The following SLC12A6 variants were observed in gnomAD, a reference collection of about 807,000 sequenced individuals.
The protein encoded by SLC12A6 is K-Cl cotransporter 3.
In SLC12A6, 66 loss-of-function variants were observed where a neutral mutation model predicts 135.3. The ratio of observed to expected loss-of-function variants is 0.49; its 90% confidence interval spans 0.40 to 0.60. SLC12A6 has a LOEUF of 0.60. Ranked by LOEUF, SLC12A6 falls within the 20% of genes least tolerant of loss-of-function variation. SLC12A6 has a pLI of 0.00. For synonymous variants in SLC12A6, 513 were observed against 508.8 expected, an observed-to-expected ratio of 1.01 and a Z score of -0.11; for missense variants, 1,058 against 1,452.3, an observed-to-expected ratio of 0.73 and a Z score of 4.41.
intron 2 of SLC12A6, among the ~76,000 whole-genome samples, chr15:34,330,162 C>G (rs1434218224): frequency 6.6e-6 from 1 of 152,184 alleles, no homozygotes; most frequent in Admixed American, 6.5e-5. Flanking sequence ...AGTTCACACA[C>G]TGCATTTGGC....
upstream of SLC12A6, chr15:34,337,808 T>C (rs551373279): frequency 5.3e-5 from 8 of 152,074 alleles, no homozygotes; most frequent in African/African-American, 1.9e-4. Flanking sequence ...GCGCGCAGGG[T>C]TCGCGCTGCC....
At chr15:34,323,804 T>G (rs1274533823) in intron 2 of SLC12A6, among the ~76,000 whole-genome samples, 1 of 152,016 alleles carries the variant, frequency 6.6e-6, no homozygotes, top group Admixed American at 6.6e-5. Flanking sequence ...TCAGAAAAAT[T>G]TAGCCAGGTT....
Position 34,236,104 on chromosome 15 carries a change from G to A in SLC12A6, c.3138C>T (p.His1046=). The A allele has an allele frequency of 1.2e-6, 2 of 1,613,438 alleles. No individual in the cohort carries two copies. Among genetic ancestry groups the A allele is most frequent in the South Asian group, 2.2e-5 (2 of 91,064 alleles). ...EETETYQEKV[H]MTWTKDKYMA... is the part of the protein sequence containing the mutation. ...TGTACTTGTCTTTTGTCCAAGTCATGTGCACCTTCTCCTGATAGGTTTCTG... is the reference window on the plus strand; with the variant it reads ...TGTACTTGTCTTTTGTCCAAGTCATATGCACCTTCTCCTGATAGGTTTCTG... Residue 1046 remains histidine (H), a synonymous_variant, in exon 24 of 26, where the codon CAC becomes CAT. Transcript: ENST00000354181.
chr15:34,317,881 A>T (rs993315954), intron 2 of SLC12A6, among the ~76,000 whole-genome samples: 3 of 152,228 alleles, frequency 2.0e-5, no homozygotes, highest in African/African-American at 7.2e-5. Flanking sequence ...TAAAAATTCA[A>T]AACCACAATT....
At chr15:34,325,005 C>T (rs1279598098) in intron 2 of SLC12A6, among the ~76,000 whole-genome samples, 1 of 152,140 alleles carries the variant, frequency 6.6e-6, no homozygotes, top group Non-Finnish European at 1.5e-5. Context: ...TTTGTTCTAT[C>T]AAACTGCTAT....
chr15:34,238,549 A>G, intron 20 of SLC12A6, 148 bp from the exon 21 acceptor site: 1 of 695,386 alleles, frequency 1.4e-6, no homozygotes. Flanking sequence ...ACGTATCAAA[A>G]ACCATTGTGA....
chr15:34,282,733 T>G (rs1894769762), intron 2 of SLC12A6, among the ~76,000 whole-genome samples: 1 of 152,190 alleles, frequency 6.6e-6, no homozygotes, highest in Admixed American at 6.5e-5. Context: ...ACTCATTCAT[T>G]CACTCAGCAC....
At chr15:34,235,757 T>A (rs886337543) in intron 24 of SLC12A6, among the ~76,000 whole-genome samples, 1 of 152,182 alleles carries the variant, frequency 6.6e-6, no homozygotes, top group African/African-American at 2.4e-5. Context: ...TTCTTTATGA[T>A]ATTAATATCT....
Position 34,234,380 on chromosome 15 carries a change from C to CT in SLC12A6, c.3362-409dup, listed in dbSNP as rs910172993. Among the ~76,000 whole-genome samples, 112 of 148,836 alleles carry CT rather than the reference C, an allele frequency of 7.5e-4. 1 individual carries two copies. The highest frequency in any genetic ancestry group is 1.5e-3 in the African/African-American group (61 of 40,680). Reference sequence around the variant, plus strand: ...CTTTTTAAACCTTTTTCTTTTCTTTCTTTTTTTTTTGAGACAGAATTTCCT... The same window carrying CT: ...CTTTTTAAACCTTTTTCTTTTCTTTCTTTTTTTTTTTGAGACAGAATTTCCT... On this transcript the variant is annotated intron_variant, in intron 25 of 25. Transcript: ENST00000354181.
At chr15:34,275,501 A>T (rs1894239923) in intron 2 of SLC12A6, 112 bp from the exon 3 acceptor site, 1 of 685,048 alleles carries the variant, frequency 1.5e-6, no homozygotes, top group Non-Finnish European at 2.6e-6. Flanking sequence ...AAATTTAAAA[A>T]CTTATGAAAT....
intron 2 of SLC12A6, among the ~76,000 whole-genome samples, chr15:34,289,737 T>C (rs1895380119): frequency 6.6e-6 from 1 of 152,204 alleles, no homozygotes; most frequent in African/African-American, 2.4e-5. Context: ...AATTTATCCA[T>C]TTCTTCTAGA....
At chr15:34,253,183 T>C (rs1346197114) in intron 9 of SLC12A6, among the ~76,000 whole-genome samples, 2 of 152,236 alleles carry the variant, frequency 1.3e-5, no homozygotes, top group East Asian at 3.8e-4. Context: ...AATACATTAT[T>C]ATGAACCATG....
At chr15:34,253,311 C>G (rs189305067) in intron 9 of SLC12A6, among the ~76,000 whole-genome samples, 2 of 152,044 alleles carry the variant, frequency 1.3e-5, no homozygotes, top group Admixed American at 6.6e-5. Flanking sequence ...GCATTATGAC[C>G]GTGTACTAAT....
chr15:34,336,704 A>C lies in SLC12A6; in HGVS notation c.-24T>G. On this transcript the variant is annotated 5_prime_UTR_variant, in exon 2 of 26. Transcript: ENST00000354181. ...ATTTTGTTCTTTTTAAGAACAAAAAAAGTGGGGGGAACCTCGCAAAATCTT... is the reference window on the plus strand; with the variant it reads ...ATTTTGTTCTTTTTAAGAACAAAAACAGTGGGGGGAACCTCGCAAAATCTT... 1 of 1,611,316 alleles carries C rather than the reference A, an allele frequency of 6.2e-7. No homozygotes were observed. The highest frequency in any genetic ancestry group is 1.1e-5 in the South Asian group (1 of 91,018).
chr15:34,257,804 T>C lies in SLC12A6; in HGVS notation c.544-16A>G, dbSNP rs753935218. The C allele has an allele frequency of 6.3e-7, 1 of 1,580,250 alleles. No individual in the cohort carries two copies. Among genetic ancestry groups the C allele is most frequent in the Non-Finnish European group, 8.7e-7 (1 of 1,150,382 alleles). ...TTTGGGGGGTCTAGAAAGAAAGACA[T>C]TGATAAAAAATCACACAGTTATCCT... is the stretch of plus-strand genomic sequence containing the variant. On this transcript the variant is annotated splice_polypyrimidine_tract_variant and intron_variant, in intron 5 of 25. Coordinates refer to ENST00000354181, the MANE Select transcript of SLC12A6 (RefSeq NM_001365088.1).
At chr15:34,241,453 C>T in intron 17 of SLC12A6, 116 bp from the exon 18 acceptor site, 1 of 671,790 alleles carries the variant, frequency 1.5e-6, no homozygotes, top group Non-Finnish European at 2.7e-6. Flanking sequence ...AAGATTAAAG[C>T]TCAGATTAAT....
At chr15:34,258,402 T>C (rs1295851849) in intron 5 of SLC12A6, among the ~76,000 whole-genome samples, 2 of 152,202 alleles carry the variant, frequency 1.3e-5, no homozygotes, top group Non-Finnish European at 2.9e-5. Flanking sequence ...CCCTGAATGC[T>C]CTTTTCCCAC....
intron 2 of SLC12A6, among the ~76,000 whole-genome samples, chr15:34,327,251 A>C (rs1889529866): frequency 6.6e-6 from 1 of 152,148 alleles, no homozygotes; most frequent in Non-Finnish European, 1.5e-5. Context: ...CAATTCTTAA[A>C]ATTTCATTTG....
intron 13 of SLC12A6, among the ~76,000 whole-genome samples, 197 bp from the exon 14 acceptor site, chr15:34,246,064 C>G (rs1320499981): frequency 6.6e-6 from 1 of 152,092 alleles, no homozygotes; most frequent in Admixed American, 6.6e-5. Flanking sequence ...TCCTGAGCAT[C>G]TGAGATCACA....
Sources: gnomAD v4.1 joint callset for allele counts (sites outside exome capture counted in the v4.1 genomes callset) on GRCh38, gnomAD v4.1.1 for gene constraint, MANE v1.5 for transcripts, NCBI Gene and HGNC (gene_info 2026-07-23, HGNC 2026-07-21) for gene names.